PTPRO: variants seen among roughly 807,000 people sequenced by gnomAD.
PTPRO encodes the protein receptor-type tyrosine-protein phosphatase O.
In PTPRO, 62 loss-of-function variants were observed where a neutral mutation model predicts 145.2. The observed-to-expected ratio is 0.43, with a 90% CI of 0.35 to 0.53. PTPRO has a LOEUF of 0.53. Among genes scored for constraint, PTPRO ranks in the 20% least tolerant of loss-of-function variants. The probability of loss-of-function intolerance (pLI) is 0.01; values close to 1 mark genes in which losing one functional copy is unlikely to be tolerated. For synonymous variants in PTPRO, 565 were observed against 514.7 expected (o/e 1.10, Z -1.32); for missense variants, 1,345 against 1,482.7 (o/e 0.91, Z 1.53).
At chr12:15,333,879 C>T (rs1317010697) in intron 1 of PTPRO, among the ~76,000 whole-genome samples, 1 of 152,100 alleles carries the variant, frequency 6.6e-6, no homozygotes, top group Admixed American at 6.5e-5. Context: ...AATAGGTTCC[C>T]TTGTGTAATG....
chr12:15,433,515 A>G (rs967891797), intron 1 of PTPRO, among the ~76,000 whole-genome samples: 4 of 152,150 alleles, frequency 2.6e-5, no homozygotes, highest in Non-Finnish European at 4.4e-5. Context: ...TCTTTAATCC[A>G]TCTTGAGTTG....
At chr12:15,433,206 ACT>A (rs1014969661) in intron 1 of PTPRO, among the ~76,000 whole-genome samples, 1 of 120,928 alleles carries the variant, frequency 8.3e-6, no homozygotes, top group Non-Finnish European at 1.6e-5. Context: ...GTGGAGTCTC[ACT>A]CTGTCGCCCA....
intron 1 of PTPRO, among the ~76,000 whole-genome samples, chr12:15,452,511 T>C (rs1456123493): frequency 6.6e-6 from 1 of 152,126 alleles, no homozygotes; most frequent in Non-Finnish European, 1.5e-5. Flanking sequence ...AGCATCACCC[T>C]AATACCAAAA....
chr12:15,530,344 CA>C (rs1942935902), intron 12 of PTPRO, among the ~76,000 whole-genome samples: 1 of 152,126 alleles, frequency 6.6e-6, no homozygotes. Context: ...AACAAAGAAA[CA>C]ACAGAGTTAA....
At chr12:15,354,170 A>G (rs1400102202) in intron 1 of PTPRO, among the ~76,000 whole-genome samples, 1 of 152,160 alleles carries the variant, frequency 6.6e-6, no homozygotes, top group African/African-American at 2.4e-5. Context: ...ATTGATGTAG[A>G]TGGTCTGCCA....
intron 12 of PTPRO, among the ~76,000 whole-genome samples, chr12:15,526,896 C>G (rs1693736049): frequency 6.6e-6 from 1 of 151,832 alleles, no homozygotes; most frequent in South Asian, 2.1e-4. Flanking sequence ...AAGAAATGAA[C>G]AAGTTAATAT....
chr12:15,344,805 G>T (rs1398106412), intron 1 of PTPRO, among the ~76,000 whole-genome samples: 3 of 152,222 alleles, frequency 2.0e-5, no homozygotes, highest in East Asian at 3.9e-4. Context: ...ATCCCTCCAT[G>T]ATAAATCCTG....
intron 1 of PTPRO, chr12:15,337,578 G>A (rs1235175640): frequency 6.6e-6 from 1 of 152,116 alleles, no homozygotes; most frequent in Non-Finnish European, 1.5e-5. Flanking sequence ...CCATAGAAAA[G>A]GAATTGCAAT....
intron 1 of PTPRO, among the ~76,000 whole-genome samples, chr12:15,424,784 C>T (rs1940238423): frequency 6.6e-6 from 1 of 151,924 alleles, no homozygotes; most frequent in Non-Finnish European, 1.5e-5. Context: ...AGTTGATTTT[C>T]AGCAAGTATG....
At chr12:15,557,909 A>ATATTT (rs1309993503) in intron 16 of PTPRO, among the ~76,000 whole-genome samples, 3 of 151,858 alleles carry the variant, frequency 2.0e-5, no homozygotes, top group Non-Finnish European at 2.9e-5. Context: ...ATTTTATTTT[A>ATATTT]TATTTTATTT....
At chr12:15,440,316 C>T (rs1213417277) in intron 1 of PTPRO, 1 of 497,430 alleles carries the variant, frequency 2.0e-6, no homozygotes, top group Non-Finnish European at 3.6e-6. Context: ...ACCATGTCTC[C>T]CTATCAGGAA....
At position 15,420,398 on chromosome 12, in the gene PTPRO, T is replaced by A. The variant is rs992992576; in HGVS notation, c.76-63576T>A. 4.0e-5 allele frequency among the ~76,000 whole-genome samples: 6 copies of A among 151,650 alleles called. No individual in the cohort carries two copies. The East Asian group carries it at 7.8e-4, about 20-fold the overall frequency. On this transcript the variant is annotated intron_variant, in intron 1 of 26. Transcript: ENST00000281171. ...TTGCTACCGCCAGTGTCTGAATGCA[T>A]CTCACCTGCGTGCATTTTACCAAGA...
chr12:15,482,332 A>C (rs553829560), intron 1 of PTPRO, among the ~76,000 whole-genome samples: 3 of 152,230 alleles, frequency 2.0e-5, no homozygotes, highest in Admixed American at 1.3e-4. Flanking sequence ...GCTAAAAAAA[A>C]CTTGCAAGTT....
chr12:15,447,214 G>A (rs1940924161), intron 1 of PTPRO, among the ~76,000 whole-genome samples: 1 of 152,056 alleles, frequency 6.6e-6, no homozygotes, highest in South Asian at 2.1e-4. Context: ...TATGATTTTT[G>A]TCTTTGTGGA....
chr12:15,348,305 G>A (rs1281423874), intron 1 of PTPRO: 1 of 152,196 alleles, frequency 6.6e-6, no homozygotes, highest in East Asian at 1.9e-4. Context: ...AAGGGCATAA[G>A]CCAAGGTATG....
At chr12:15,360,607 C>T (rs1004266184) in intron 1 of PTPRO, among the ~76,000 whole-genome samples, 2 of 150,798 alleles carry the variant, frequency 1.3e-5, no homozygotes, top group Non-Finnish European at 3.0e-5. Flanking sequence ...ATCTCTCTTT[C>T]TCTCTCTCTC....
intron 1 of PTPRO, among the ~76,000 whole-genome samples, chr12:15,422,041 A>T (rs941372418): frequency 3.9e-5 from 6 of 152,194 alleles, no homozygotes; most frequent in Non-Finnish European, 8.8e-5. Flanking sequence ...AAAGAAAAAA[A>T]AAAGAATGAT....
chr12:15,550,165 A>C (rs1401703486), intron 14 of PTPRO, among the ~76,000 whole-genome samples: 1 of 152,220 alleles, frequency 6.6e-6, no homozygotes, highest in Non-Finnish European at 1.5e-5. Flanking sequence ...AGTCTTACCA[A>C]TGATATAGAC....
chr12:15,349,176 A>C (rs117848363), intron 1 of PTPRO, among the ~76,000 whole-genome samples: 2,254 of 152,328 alleles, frequency 0.015, 31 homozygotes, highest in Non-Finnish European at 0.026. Context: ...AAGGTGTTAA[A>C]TCTATTTGGA....
Sources: gnomAD v4.1 joint callset for allele counts (sites outside exome capture counted in the v4.1 genomes callset) on GRCh38, gnomAD v4.1.1 for gene constraint, MANE v1.5 for transcripts, NCBI Gene and HGNC (gene_info 2026-07-23, HGNC 2026-07-21) for gene names.